CSMD1: variants seen among roughly 807,000 people sequenced by gnomAD.
CSMD1 encodes the protein CUB and sushi domain-containing protein 1.
Under a neutral mutation model 417.5 loss-of-function variants are expected in CSMD1, and 213 were observed. That is an observed-to-expected ratio of 0.51 (90% CI 0.46 to 0.57). CSMD1 has a LOEUF of 0.57. Ranked by LOEUF, CSMD1 falls within the 20% of genes least tolerant of loss-of-function variation. CSMD1 has a pLI of 0.00. For missense variants in CSMD1, 6,923 were observed against 4,529.7 expected, an observed-to-expected ratio of 1.53 and a Z score of -15.17; for synonymous variants, 2,862 against 1,736.8, an observed-to-expected ratio of 1.65 and a Z score of -16.11.
At chr8:4,942,596 C>G (rs1808082023) in intron 1 of CSMD1, among the ~76,000 whole-genome samples, 1 of 152,200 alleles carries the variant, frequency 6.6e-6, no homozygotes, top group Non-Finnish European at 1.5e-5. Context: ...ATGACTAAGT[C>G]ATCAAGAACT....
At chr8:3,877,533 C>G (rs1805906218) in intron 5 of CSMD1, among the ~76,000 whole-genome samples, 1 of 152,150 alleles carries the variant, frequency 6.6e-6, no homozygotes, top group African/African-American at 2.4e-5. Context: ...CTTCGATGTT[C>G]CCCATATTCA....
At chr8:4,564,077 A>T (rs895139022) in intron 2 of CSMD1, among the ~76,000 whole-genome samples, 5 of 152,180 alleles carry the variant, frequency 3.3e-5, no homozygotes, top group African/African-American at 9.7e-5. Context: ...AGTATGTCAT[A>T]AGCATATTTA....
At chr8:4,344,039 A>G (rs940790141) in intron 3 of CSMD1, among the ~76,000 whole-genome samples, 2 of 152,206 alleles carry the variant, frequency 1.3e-5, no homozygotes, top group African/African-American at 4.8e-5. Context: ...GTATACAAAT[A>G]GGTGTGTGTA....
At chr8:3,285,653 C>G (rs1803094772) in intron 25 of CSMD1, among the ~76,000 whole-genome samples, 1 of 151,938 alleles carries the variant, frequency 6.6e-6, no homozygotes, top group South Asian at 2.1e-4. Context: ...CCTGCCTCGG[C>G]CTCCCAAAGT....
chr8:3,421,572 TTTGA>T (rs1191129720), intron 12 of CSMD1, among the ~76,000 whole-genome samples: 11 of 152,214 alleles, frequency 7.2e-5, no homozygotes, highest in African/African-American at 2.4e-4. Context: ...ATTTAGCCTG[TTTGA>T]TTATGTGTTA....
chr8:3,302,214 G>A (rs1480674656), intron 25 of CSMD1, among the ~76,000 whole-genome samples: 5 of 152,152 alleles, frequency 3.3e-5, no homozygotes, highest in African/African-American at 1.2e-4. Context: ...GAGATGTCAG[G>A]GAAGTTTGGA....
intron 1 of CSMD1, among the ~76,000 whole-genome samples, chr8:4,901,856 G>T (rs911230628): frequency 2.7e-5 from 4 of 149,312 alleles, no homozygotes; most frequent in Admixed American, 6.6e-5. Context: ...TCATGATGAT[G>T]ACATATATAT....
At chr8:4,056,195 C>T (rs1173715882) in intron 3 of CSMD1, among the ~76,000 whole-genome samples, 2 of 145,378 alleles carry the variant, frequency 1.4e-5, no homozygotes, top group Non-Finnish European at 3.0e-5. Flanking sequence ...AATTCTCTTG[C>T]CTCAGCCTCC....
At chr8:3,996,158 A>C (rs1815197276) in intron 5 of CSMD1, among the ~76,000 whole-genome samples, 2 of 150,918 alleles carry the variant, frequency 1.3e-5, no homozygotes, top group Admixed American at 1.3e-4. Context: ...TAGGTTCTAG[A>C]ATCACTAACA....
At chr8:3,533,068 G>A (rs955246298) in intron 10 of CSMD1, among the ~76,000 whole-genome samples, 2 of 152,140 alleles carry the variant, frequency 1.3e-5, no homozygotes, top group South Asian at 2.1e-4. Flanking sequence ...TAAACAGCTC[G>A]TAATTCATCC....
At chr8:3,587,282 C>G (rs1046451438) in intron 8 of CSMD1, among the ~76,000 whole-genome samples, 22 of 152,196 alleles carry the variant, frequency 1.4e-4, no homozygotes, top group African/African-American at 5.1e-4. Flanking sequence ...TGAACACCAC[C>G]CAGTTACTTC....
At chr8:4,031,129 T>C (rs1231564931) in intron 4 of CSMD1, among the ~76,000 whole-genome samples, 2 of 152,206 alleles carry the variant, frequency 1.3e-5, no homozygotes, top group Admixed American at 6.5e-5. Flanking sequence ...CTCCAAACTG[T>C]TCTAAACTCT....
intron 3 of CSMD1, among the ~76,000 whole-genome samples, chr8:4,351,727 A>T (rs1309159790): frequency 6.6e-6 from 1 of 152,154 alleles, no homozygotes; most frequent in Non-Finnish European, 1.5e-5. Flanking sequence ...GAAAAGAAAA[A>T]GGCCTTCTAG....
Position 3,319,136 on chromosome 8 carries a change from G to T in CSMD1, c.3632-10633C>A, listed in dbSNP as rs553902840. Among the ~76,000 whole-genome samples, 5 of 152,210 alleles carry T rather than the reference G, an allele frequency of 3.3e-5. No homozygotes were observed. In the East Asian group the frequency reaches 9.7e-4, roughly 29 times the overall value. ...TAATAACTGAAGAAGTAACTTCCTT[G>T]CTGAAAAGGCCTAGCTTTTAAAAAA... On this transcript the variant is annotated intron_variant, in intron 23 of 69. Transcript: ENST00000635120.
intron 5 of CSMD1, among the ~76,000 whole-genome samples, chr8:3,996,424 T>G (rs1585101656): frequency 7.3e-6 from 1 of 137,144 alleles, no homozygotes; most frequent in Non-Finnish European, 1.5e-5. Context: ...AAAGAGATGC[T>G]TAATAAATTC....
intron 7 of CSMD1, among the ~76,000 whole-genome samples, chr8:3,646,329 T>C (rs1436384109): frequency 6.6e-6 from 1 of 152,200 alleles, no homozygotes; most frequent in Admixed American, 6.5e-5. Flanking sequence ...ATAGAAGATA[T>C]TAAAACATTG....
chr8:4,296,827 A>G (rs559627557), intron 3 of CSMD1, among the ~76,000 whole-genome samples: 51 of 151,512 alleles, frequency 3.4e-4, no homozygotes, highest in African/African-American at 2.9e-4. Context: ...TCATCTGAAG[A>G]TATCTGTGGA....
At chr8:3,801,062 G>A (rs964252472) in intron 5 of CSMD1, among the ~76,000 whole-genome samples, 1 of 151,804 alleles carries the variant, frequency 6.6e-6, no homozygotes, top group Admixed American at 6.6e-5. Context: ...TTGAGGCCAT[G>A]CTTCCCTTGA....
chr8:3,637,283 T>C (rs891309894), intron 7 of CSMD1, among the ~76,000 whole-genome samples: 7 of 152,186 alleles, frequency 4.6e-5, no homozygotes, highest in African/African-American at 1.7e-4. Context: ...TTGCTAGTTG[T>C]GTATGCTTGG....
Sources: allele counts gnomAD v4.1 joint callset (sites outside exome capture counted in the v4.1 genomes callset), GRCh38; gene constraint gnomAD v4.1.1; transcripts MANE v1.5; gene names NCBI Gene and HGNC (gene_info 2026-07-23, HGNC 2026-07-21).